LRMDA: variants seen among roughly 807,000 people sequenced by gnomAD.
The protein encoded by LRMDA is leucine rich melanocyte differentiation associated, also known as leucine-rich melanocyte differentiation-associated protein.
Under a neutral mutation model 29.8 loss-of-function variants are expected in LRMDA, and 18 were observed. That is an observed-to-expected ratio of 0.60 (90% confidence interval 0.42 to 0.90). LRMDA has a LOEUF of 0.90. Among genes scored for constraint, LRMDA ranks in the 40% least tolerant of loss-of-function variants. The probability of loss-of-function intolerance (pLI) is 0.00; values close to 1 mark genes in which losing one functional copy is unlikely to be tolerated. For synonymous variants in LRMDA, 125 were observed against 109.4 expected, an observed-to-expected ratio of 1.14 and a Z score of -0.89; for missense variants, 273 against 273.9, an observed-to-expected ratio of 1.00 and a Z score of 0.02.
intron 2 of LRMDA, among the ~76,000 whole-genome samples, chr10:75,636,566 G>T (rs1388375147): frequency 6.6e-6 from 1 of 151,894 alleles, no homozygotes; most frequent in Non-Finnish European, 1.5e-5. Flanking sequence ...TTCATGAGAT[G>T]TATTATTTAT....
chr10:76,042,433 G>C (rs1848357321), intron 3 of LRMDA, among the ~76,000 whole-genome samples: 1 of 152,178 alleles, frequency 6.6e-6, no homozygotes, highest in Non-Finnish European at 1.5e-5. Flanking sequence ...CCCATGATCA[G>C]AGCATTCAAA....
intron 6 of LRMDA, among the ~76,000 whole-genome samples, chr10:76,485,595 C>T (rs534751683): frequency 7.2e-5 from 11 of 151,808 alleles, no homozygotes; most frequent in South Asian, 2.1e-4. Context: ...ATTCTTTCCC[C>T]AACACTCTTC....
intron 4 of LRMDA, among the ~76,000 whole-genome samples, chr10:76,052,721 T>C (rs1470799169): frequency 6.6e-6 from 1 of 152,140 alleles, no homozygotes; most frequent in Non-Finnish European, 1.5e-5. Flanking sequence ...AGGAAATCTG[T>C]TTCCAGACAG....
intron 2 of LRMDA, among the ~76,000 whole-genome samples, chr10:75,790,666 C>T (rs1843550414): frequency 6.6e-6 from 1 of 152,256 alleles, no homozygotes; most frequent in Non-Finnish European, 1.5e-5. Flanking sequence ...AAGAATCATG[C>T]ACAACTTATA....
At chr10:76,396,305 AG>A (rs1841783163) in intron 6 of LRMDA, among the ~76,000 whole-genome samples, 1 of 152,190 alleles carries the variant, frequency 6.6e-6, no homozygotes, top group Non-Finnish European at 1.5e-5. Flanking sequence ...ATTCAACAGT[AG>A]GTTGACATGT....
intron 2 of LRMDA, among the ~76,000 whole-genome samples, chr10:75,641,873 C>A (rs891326256): frequency 6.6e-6 from 1 of 151,950 alleles, no homozygotes; most frequent in African/African-American, 2.4e-5. Flanking sequence ...ATAGCAAGAC[C>A]CCTACCTCTT....
intron 2 of LRMDA, among the ~76,000 whole-genome samples, chr10:75,856,972 A>G (rs571111264): frequency 5.8e-4 from 88 of 152,320 alleles, no homozygotes; most frequent in Middle Eastern, 6.8e-3. Flanking sequence ...CTGATAGGCA[A>G]CTTCAGCAAA....
intron 6 of LRMDA, among the ~76,000 whole-genome samples, chr10:76,382,998 A>G (rs560014517): frequency 3.9e-4 from 59 of 152,366 alleles, no homozygotes; most frequent in Admixed American, 1.4e-3. Context: ...TACTGTTTTT[A>G]GTGGGTTTTA....
At chr10:75,534,431 G>T in intron 2 of LRMDA, among the ~76,000 whole-genome samples, 1 of 122,332 alleles carries the variant, frequency 8.2e-6, no homozygotes, top group East Asian at 3.1e-4. Flanking sequence ...GTTTCTAGCC[G>T]TCCTGACTCT....
At chr10:75,830,674 A>G (rs987377583) in intron 2 of LRMDA, among the ~76,000 whole-genome samples, 1 of 152,194 alleles carries the variant, frequency 6.6e-6, no homozygotes, top group Non-Finnish European at 1.5e-5. Flanking sequence ...GGTCCCTCCC[A>G]CAACACATGG....
rs1275909574 is a variant in LRMDA, at chr10:76,518,255, CCTAT to C, written c.602-38952_602-38949del. ...ATCTGTCTATCTACCTACCTACCTA[CCTAT>C]CCATCTATCCATTTATCTATCATCT... On this transcript the variant is annotated intron_variant, in intron 6 of 6. Transcript: ENST00000611255. Among the ~76,000 whole-genome samples, 7 of 151,264 alleles carry C rather than the reference CCTAT, an allele frequency of 4.6e-5. No homozygotes were observed. The East Asian group carries it at 1.4e-3, about 30-fold the overall frequency.
chr10:76,450,258 C>A (rs1025393023), intron 6 of LRMDA, among the ~76,000 whole-genome samples: 3 of 152,028 alleles, frequency 2.0e-5, no homozygotes, highest in Non-Finnish European at 4.4e-5. Flanking sequence ...CTGGACAAAT[C>A]GTTTCATTGT....
At chr10:75,505,619 T>C (rs1399865153) in intron 2 of LRMDA, among the ~76,000 whole-genome samples, 2 of 152,178 alleles carry the variant, frequency 1.3e-5, no homozygotes, top group East Asian at 3.8e-4. Flanking sequence ...CCCTTTATTC[T>C]ACCACTTCAT....
chr10:76,302,212 G>A (rs928601113), intron 5 of LRMDA, among the ~76,000 whole-genome samples: 12 of 152,112 alleles, frequency 7.9e-5, no homozygotes, highest in African/African-American at 2.9e-4. Context: ...AAATTTAGTA[G>A]CCTTGCTGGA....
At chr10:76,100,198 G>T (rs571163233) in intron 5 of LRMDA, among the ~76,000 whole-genome samples, 2 of 152,124 alleles carry the variant, frequency 1.3e-5, no homozygotes, top group African/African-American at 2.4e-5. Context: ...TCTGGTAATG[G>T]TGTTGCAGAA....
At chr10:76,162,750 A>G (rs1229018405) in intron 5 of LRMDA, among the ~76,000 whole-genome samples, 5 of 152,214 alleles carry the variant, frequency 3.3e-5, no homozygotes, top group African/African-American at 1.2e-4. Context: ...TCCTGGGATT[A>G]CAATTCAACA....
At chr10:75,981,575 C>T (rs112654442) in intron 2 of LRMDA, among the ~76,000 whole-genome samples, 1,623 of 152,228 alleles carry the variant, frequency 0.011, 39 homozygotes, top group African/African-American at 0.037. Flanking sequence ...GTGAGTGGGC[C>T]GGGCACGGTG....
chr10:75,613,904 T>C (rs923081624), intron 2 of LRMDA, among the ~76,000 whole-genome samples: 3 of 152,214 alleles, frequency 2.0e-5, no homozygotes, highest in Admixed American at 2.0e-4. Context: ...ATTGACACCA[T>C]AGGTTGCCTA....
chr10:75,564,946 A>C (rs1466187487), intron 2 of LRMDA, among the ~76,000 whole-genome samples: 3 of 152,194 alleles, frequency 2.0e-5, no homozygotes, highest in Non-Finnish European at 4.4e-5. Context: ...TTGCGTATAA[A>C]ATTTCCCTTT....
Sources: allele counts gnomAD v4.1 joint callset (sites outside exome capture counted in the v4.1 genomes callset), GRCh38; gene constraint gnomAD v4.1.1; transcripts MANE v1.5; gene names NCBI Gene and HGNC (gene_info 2026-07-23, HGNC 2026-07-21).